The following EIF4B variants were observed in gnomAD, a reference collection of about 807,000 sequenced individuals.
EIF4B encodes eukaryotic translation initiation factor 4B.
EIF4B carries 8 observed loss-of-function variants against 79.3 expected under a neutral mutation model. The ratio of observed to expected loss-of-function variants is 0.10; its 90% CI spans 0.06 to 0.18. The LOEUF (loss-of-function observed/expected upper bound fraction) is 0.18, where lower values mean the gene tolerates loss of function less well. EIF4B is among the 10% of genes least tolerant of loss of function. EIF4B has a pLI of 1.00. For synonymous variants in EIF4B, 238 were observed against 274.7 expected (o/e 0.87, Z 1.32); for missense variants, 515 against 792.4 (o/e 0.65, Z 4.20).
chr12:53,033,146 A>T (rs1201715688), intron 8 of EIF4B, among the ~76,000 whole-genome samples: 3 of 151,274 alleles, frequency 2.0e-5, no homozygotes, highest in African/African-American at 7.3e-5. Context: ...CAGCCTCCCG[A>T]GTAGCTGGGA....
intron 1 of EIF4B, among the ~76,000 whole-genome samples, chr12:53,015,822 C>CA (rs2120902194): frequency 6.6e-6 from 1 of 151,512 alleles, no homozygotes; most frequent in African/African-American, 2.4e-5. Context: ...ACTAAAAACA[C>CA]AAAAAATTAG....
At chr12:53,034,763 A>G (rs755329628) in intron 10 of EIF4B, 54 bp downstream of exon 10, 4 of 1,595,234 alleles carry the variant, frequency 2.5e-6, no homozygotes, top group South Asian at 2.2e-5. Flanking sequence ...TAAACTATCC[A>G]TAACCAAATT....
In EIF4B at chr12:53,010,902, G is replaced by C. The variant is rs566287055; in HGVS notation, c.13+4406G>C. Among the ~76,000 whole-genome samples, 4 of 152,230 alleles carry C rather than the reference G, an allele frequency of 2.6e-5. No homozygotes were observed. In the South Asian group the frequency reaches 8.3e-4, roughly 32 times the overall value. On this transcript the variant is annotated intron_variant, in intron 1 of 14. Transcript: ENST00000262056. ...GTAGCTTTTAATTATGGAGAATGTG[G>C]CAGAACTCACTTTTAGTAACAGCTT...
In EIF4B at chr12:53,018,801, C is replaced by T. The variant is rs368938846; in HGVS notation, c.155C>T (p.Ser52Leu). Residue 52 changes from serine to leucine, a missense_variant, in exon 3 of 15, where the codon TCG (serine) becomes TTG (leucine). Coordinates refer to ENST00000262056, the MANE Select transcript of EIF4B (RefSeq NM_001417.7). ...DETDDLEGDV[S>L]TTWHSNDDDV... is the part of the protein sequence containing the mutation. ...TACATTCATTCCTCTATCCTAGTTT[C>T]GACCACTTGGCACAGTAACGATGAC... The T allele has an allele frequency of 2.9e-5, 46 of 1,612,212 alleles. No individual in the cohort carries two copies. The highest frequency in any genetic ancestry group is 5.3e-5 in the African/African-American group (4 of 74,836).
At chr12:53,023,789 G>C (rs556778917) in intron 6 of EIF4B, among the ~76,000 whole-genome samples, 14 of 149,824 alleles carry the variant, frequency 9.3e-5, no homozygotes, top group African/African-American at 3.4e-4. Context: ...CTCCATGTTG[G>C]TCAGGCTGGT....
In EIF4B at chr12:53,038,373, C is replaced by T. The variant is rs562043718; in HGVS notation, c.1538C>T (p.Ala513Val). 3.1e-6 allele frequency: 5 copies of T among 1,600,040 alleles called. No individual in the cohort carries two copies. In the African/African-American group the frequency reaches 5.4e-5, roughly 17 times the overall value. The part of the protein sequence containing the change: ...QSPTSGGGKV[A>V]PAQPSEEGPG... ...CCTTCTAGTGGTGGGGGAAAAGTAG[C>T]TCCAGCTCAACCATCTGAGGAAGGA... is the stretch of plus-strand genomic sequence containing the variant. The change falls in exon 12 of 15, where the codon GCT becomes GTT. Residue 513 changes from alanine to valine, a missense_variant. Physicochemically the swap from Ala to Val is moderately conservative, Grantham distance 64. This residue lies in a region of EIF4B where 146 missense variants were observed against 228.0 expected (regional missense o/e 0.64). Transcript: ENST00000262056.
chr12:53,036,854 T>A (rs921919547), intron 10 of EIF4B, among the ~76,000 whole-genome samples: 1 of 152,094 alleles, frequency 6.6e-6, no homozygotes, highest in Non-Finnish European at 1.5e-5. Context: ...TCCAGCTAAT[T>A]TGTCTATTTT....
intron 9 of EIF4B, among the ~76,000 whole-genome samples, chr12:53,034,270 T>C (rs574675091): frequency 6.6e-6 from 1 of 152,310 alleles, no homozygotes; most frequent in South Asian, 2.1e-4. Flanking sequence ...AAAGCTGGTA[T>C]TGTATCTAAA....
At chr12:53,022,138 G>A in intron 5 of EIF4B, 1 of 652,946 alleles carries the variant, frequency 1.5e-6, no homozygotes, top group Non-Finnish European at 2.7e-6. Flanking sequence ...AGCCCAAAAT[G>A]CATGTCAAGA....
Position 53,040,994 on chromosome 12 carries a change from G to A in EIF4B, c.*771G>A, listed in dbSNP as rs1218840493. On this transcript the variant is annotated 3_prime_UTR_variant, in exon 15 of 15. Transcript: ENST00000262056. The stretch of plus-strand genomic sequence containing the variant: ...GAATGGTTATTTCCTGGAGCCGGAA[G>A]CACTTGGGGGTCGTGGTAATTCCCA... The A allele has an allele frequency of 6.6e-6, 1 of 152,224 alleles. No homozygotes were observed. The highest frequency in any genetic ancestry group is 1.5e-5 in the Non-Finnish European group (1 of 68,042). The allele number at this position is 152,224 out of a possible 1,614,324, so 9.4% of individuals were successfully genotyped here. A position where few individuals can be genotyped will look rare whatever the true frequency, so the allele number is the denominator to read the frequency against.
chr12:53,035,223 G>C (rs1274918577), intron 10 of EIF4B, among the ~76,000 whole-genome samples: 1 of 151,382 alleles, frequency 6.6e-6, no homozygotes, highest in East Asian at 1.9e-4. Context: ...ATTTTGTTTT[G>C]AGACAGGGTC....
intron 3 of EIF4B, among the ~76,000 whole-genome samples, chr12:53,019,455 T>C (rs1446196145): frequency 3.0e-5 from 3 of 98,666 alleles, no homozygotes; most frequent in African/African-American, 7.7e-5. Flanking sequence ...TTTTTCTTTT[T>C]TTTTTTTTTT....
intron 8 of EIF4B, among the ~76,000 whole-genome samples, chr12:53,028,473 G>A (rs2120950564): frequency 6.6e-6 from 1 of 151,776 alleles, no homozygotes; most frequent in Non-Finnish European, 1.5e-5. Context: ...AAGAATGGTG[G>A]GAACCCGGGA....
intron 6 of EIF4B, among the ~76,000 whole-genome samples, 200 bp from the exon 7 acceptor site, chr12:53,027,582 A>G (rs1357612999): frequency 6.6e-6 from 1 of 152,130 alleles, no homozygotes; most frequent in Non-Finnish European, 1.5e-5. Flanking sequence ...ATTATGGAAT[A>G]TTTAGGGATT....
At chr12:53,030,413 C>CTTTTTTTTTTTTTTGTTTT (rs1943416280) in intron 8 of EIF4B, among the ~76,000 whole-genome samples, 1 of 43,066 alleles carries the variant, frequency 2.3e-5, no homozygotes, top group Non-Finnish European at 5.9e-5. Flanking sequence ...AAATTATATT[C>CTTTTTTTTTTTTTTGTTTT]TTTTTTTTTT....
At position 53,024,500 on chromosome 12, in the gene EIF4B, T is replaced by C. The variant is rs767212356; in HGVS notation, c.667+1873T>C. 2.0e-4 allele frequency among the ~76,000 whole-genome samples: 30 copies of C among 152,324 alleles called. No homozygotes were observed. The South Asian group carries it at 5.6e-3, about 28-fold the overall frequency. ...AATTCTGTTTTTAGTCTGTAACATA[T>C]TTCTTTTAAACAAAAAACAAACATG... On this transcript the variant is annotated intron_variant, in intron 6 of 14. Coordinates refer to ENST00000262056, the MANE Select transcript of EIF4B (RefSeq NM_001417.7).
chr12:53,014,755 C>G (rs1056680584), intron 1 of EIF4B: 2 of 152,188 alleles, frequency 1.3e-5, no homozygotes, highest in Non-Finnish European at 2.9e-5. Flanking sequence ...GATTAAAAAT[C>G]AGGTGACAAT....
In EIF4B at chr12:53,028,573, C is replaced by G. The variant is rs1943380409; in HGVS notation, c.979+385C>G. Reference sequence around the variant, plus strand: ...CCCCATCTCAAAAAAAAAAAAAAAGCATTGGCTAAGGATGACATCAGTGGA... The same window carrying G: ...CCCCATCTCAAAAAAAAAAAAAAAGGATTGGCTAAGGATGACATCAGTGGA... On this transcript the variant is annotated intron_variant, in intron 8 of 14. Transcript: ENST00000262056. 2.0e-5 allele frequency among the ~76,000 whole-genome samples: 3 copies of G among 149,566 alleles called. No homozygotes were observed. The South Asian group carries it at 6.3e-4, about 32-fold the overall frequency.
At position 53,038,384 on chromosome 12, in the gene EIF4B, C is replaced by A; in HGVS notation, c.1549C>A (p.Pro517Thr). 1 of 1,600,500 alleles carries A rather than the reference C, an allele frequency of 6.2e-7. No homozygotes were observed. Among genetic ancestry groups the A allele is most frequent in the Non-Finnish European group, 8.5e-7 (1 of 1,172,746 alleles). Reference sequence around the variant, plus strand: ...TGGGGGAAAAGTAGCTCCAGCTCAACCATCTGAGGAAGGACCAGGAAGGAA... The same window carrying A: ...TGGGGGAAAAGTAGCTCCAGCTCAAACATCTGAGGAAGGACCAGGAAGGAA... ...SGGGKVAPAQ[P>T]SEEGPGRKDE... The change falls in exon 12 of 15, where the codon CCA (proline) becomes ACA (threonine). Residue 517 changes from proline (P) to threonine (T), a missense_variant. Coordinates refer to ENST00000262056, the MANE Select transcript of EIF4B (RefSeq NM_001417.7).
Sources: allele counts gnomAD v4.1 joint callset (sites outside exome capture counted in the v4.1 genomes callset), GRCh38; gene constraint gnomAD v4.1.1; regional missense constraint gnomAD v4.1.1; transcripts MANE v1.5; gene names NCBI Gene and HGNC (gene_info 2026-07-23, HGNC 2026-07-21).